Variants in CCR6 observed in about 807,000 individuals in gnomAD.
CCR6 encodes C-C chemokine receptor type 6.
In CCR6, 2 loss-of-function variants were observed where a neutral mutation model predicts 3.0. The ratio of observed to expected loss-of-function variants is 0.66; its 90% CI spans 0.27 to 2.07. CCR6 has a LOEUF of 2.07. Ranked by LOEUF, CCR6 falls within the 30% of genes most tolerant of loss-of-function variation. The probability of loss-of-function intolerance (pLI) is 0.14; values close to 1 mark genes in which losing one functional copy is unlikely to be tolerated. For synonymous variants in CCR6, 193 were observed against 184.3 expected (o/e 1.05, Z -0.38); for missense variants, 322 against 462.8 (o/e 0.70, Z 2.79).
At position 167,136,843 on chromosome 6, in the gene CCR6, T is replaced by A. The variant is rs754870719; in HGVS notation, c.613T>A (p.Ser205Thr). The A allele has an allele frequency of 6.2e-7, 1 of 1,614,170 alleles. No homozygotes were observed. The highest frequency in any genetic ancestry group is 8.5e-7 in the Non-Finnish European group (1 of 1,180,028). The change falls in exon 3 of 3, where the codon TCG (serine) becomes ACG (threonine). Residue 205 changes from serine to threonine, a missense_variant. Coordinates refer to ENST00000341935, the MANE Select transcript of CCR6 (RefSeq NM_031409.4). The surrounding 1 kb of genome is among the most constrained non-coding windows in gnomAD (Gnocchi z 4.6). ...DVCEPKYQTV[S>T]EPIRWKLLML... ...CTGTGAACCCAAGTACCAGACTGTC[T>A]CGGAGCCCATCAGGTGGAAGCTGCT...
chr6:167,112,668 G>C (rs1179555609), intron 1 of CCR6, among the ~76,000 whole-genome samples: 1 of 152,158 alleles, frequency 6.6e-6, no homozygotes, highest in African/African-American at 2.4e-5. Flanking sequence ...CTTTGTGCAG[G>C]GAGGTTGGGA....
chr6:167,113,179 A>G (rs748222221), intron 1 of CCR6, among the ~76,000 whole-genome samples: 17 of 152,120 alleles, frequency 1.1e-4, no homozygotes, highest in Non-Finnish European at 2.4e-4. Context: ...CTCTGCACCA[A>G]AATAGATACC....
At chr6:167,119,250 G>A (rs1489603392), upstream of CCR6, 1 of 152,582 alleles carries the variant, frequency 6.6e-6, no homozygotes, top group Non-Finnish European at 1.5e-5. Flanking sequence ...TGAAGTCCAG[G>A]ATGCTGGAGG....
intron 1 of CCR6, among the ~76,000 whole-genome samples, chr6:167,123,864 C>A (rs1781624118): frequency 6.6e-6 from 1 of 152,222 alleles, no homozygotes; most frequent in Non-Finnish European, 1.5e-5. Flanking sequence ...GTAATCTCAG[C>A]ACTTTGGGAG....
rs561553376 is a variant in CCR6 at position 167,130,955 on chromosome 6, G to A, written c.-97-5083G>A. Among the ~76,000 whole-genome samples, 14 of 141,642 alleles carry A rather than the reference G, an allele frequency of 9.9e-5. No homozygotes were observed. The East Asian group carries it at 2.7e-3, about 28-fold the overall frequency. 92.9% of individuals were successfully genotyped at this position (141,642 alleles called of 152,430 possible). On this transcript the variant is annotated intron_variant, in intron 1 of 2. Coordinates refer to ENST00000341935, the MANE Select transcript of CCR6 (RefSeq NM_031409.4). ...CCACCCTCTGGGCCCCCCTCCCTCC[G>A]GGACTCCTCCCTCTGGGACCACCCT...
intron 1 of CCR6, among the ~76,000 whole-genome samples, chr6:167,132,981 G>T (rs1218020189): frequency 1.3e-5 from 2 of 152,152 alleles, no homozygotes; most frequent in African/African-American, 2.4e-5. Flanking sequence ...TTATGTTTTT[G>T]ATAGGGAGTT....
Position 167,136,547 on chromosome 6 carries a change from A to T in CCR6, c.317A>T (p.His106Leu). 1 of 1,597,252 alleles carries T rather than the reference A, an allele frequency of 6.3e-7. No individual in the cohort carries two copies. The highest frequency in any genetic ancestry group is 8.5e-7 in the Non-Finnish European group (1 of 1,170,538). Residue 106 changes from histidine to leucine, a missense_variant, in exon 3 of 3, where the codon CAT becomes CTT. His to Leu is a moderately conservative substitution (Grantham distance 99). Coordinates refer to ENST00000341935, the MANE Select transcript of CCR6 (RefSeq NM_031409.4). The surrounding 1 kb of genome is among the most constrained non-coding windows in gnomAD (Gnocchi z 4.6). ...VLTLPFWAVSHATGAWVFSNA... is the reference protein window; with the variant it reads ...VLTLPFWAVSLATGAWVFSNA... ...ACTCTCCCATTCTGGGCAGTGAGTCATGCCACCGGTGCGTGGGTTTTCAGC... is the reference window on the plus strand; with the variant it reads ...ACTCTCCCATTCTGGGCAGTGAGTCTTGCCACCGGTGCGTGGGTTTTCAGC...
chr6:167,114,144 G>A (rs1781455515), intron 1 of CCR6, among the ~76,000 whole-genome samples: 1 of 152,182 alleles, frequency 6.6e-6, no homozygotes, highest in Non-Finnish European at 1.5e-5. Context: ...ACCTAGAGCT[G>A]GGTGTAGGAG....
rs1251549494 is a variant in CCR6, at chr6:167,138,973, A to G, written c.*1618A>G. ...AAGGAAAGAACTGTCATGTAAACATACCAACATGTTTAAACCTGACAATGG... is the reference window on the plus strand; with the variant it reads ...AAGGAAAGAACTGTCATGTAAACATGCCAACATGTTTAAACCTGACAATGG... On this transcript the variant is annotated 3_prime_UTR_variant, in exon 3 of 3. Coordinates refer to ENST00000341935, the MANE Select transcript of CCR6 (RefSeq NM_031409.4). 5 of 151,694 alleles carry G rather than the reference A, an allele frequency of 3.3e-5. No homozygotes were observed. Among genetic ancestry groups the G allele is most frequent in the Non-Finnish European group, 7.4e-5 (5 of 67,940 alleles). The allele number at this position is 151,694 out of a possible 1,614,324, so 9.4% of individuals were successfully genotyped here. A position where few individuals can be genotyped will look rare whatever the true frequency, so the allele number is the denominator to read the frequency against.
In CCR6 at chr6:167,139,078, A is replaced by C. The variant is rs761137457; in HGVS notation, c.*1723A>C. On this transcript the variant is annotated 3_prime_UTR_variant, in exon 3 of 3. Coordinates refer to ENST00000341935, the MANE Select transcript of CCR6 (RefSeq NM_031409.4). ...AATGCAAAATAATGTCTTAAGATTC[A>C]AAGTCTGTATTTTTAAAGCATGGCT... 9.8e-5 allele frequency: 15 copies of C among 152,486 alleles called. No individual in the cohort carries two copies. The highest frequency in any genetic ancestry group is 2.1e-4 in the Non-Finnish European group (14 of 68,030). The allele number at this position is 152,486 out of a possible 1,614,324, so 9.4% of individuals were successfully genotyped here.
chr6:167,125,556 A>G (rs1280781713), intron 1 of CCR6, among the ~76,000 whole-genome samples: 1 of 152,200 alleles, frequency 6.6e-6, no homozygotes, highest in East Asian at 1.9e-4. Context: ...AGGACTCCCA[A>G]TGCCCTCAAG....
chr6:167,118,174 A>T (rs1781531050), upstream of CCR6, among the ~76,000 whole-genome samples: 1 of 152,102 alleles, frequency 6.6e-6, no homozygotes, highest in Admixed American at 6.5e-5. Context: ...CAATAGTGGT[A>T]ACTTCCACCC....
chr6:167,123,663 A>T (rs758888446), intron 1 of CCR6, among the ~76,000 whole-genome samples: 1 of 152,260 alleles, frequency 6.6e-6, no homozygotes, highest in South Asian at 2.1e-4. Flanking sequence ...ACAGCCTAAG[A>T]TTGAGCAGGA....
chr6:167,122,689 C>G (rs912691091), upstream of CCR6: 1 of 152,456 alleles, frequency 6.6e-6, no homozygotes, highest in Non-Finnish European at 1.5e-5. The surrounding 1 kb of genome is among the most constrained non-coding windows in gnomAD (Gnocchi z 4.2). Context: ...TGTGGCTGCA[C>G]AGCTTTCGGG....
At chr6:167,127,645 T>G (rs1226424514) in intron 1 of CCR6, among the ~76,000 whole-genome samples, 1 of 152,182 alleles carries the variant, frequency 6.6e-6, no homozygotes, top group African/African-American at 2.4e-5. Flanking sequence ...TCTTACCTAA[T>G]GTCAAACTTT....
rs542251187 is a variant in CCR6, at chr6:167,139,062, T to C, written c.*1707T>C. On this transcript the variant is annotated 3_prime_UTR_variant, in exon 3 of 3. Coordinates refer to ENST00000341935, the MANE Select transcript of CCR6 (RefSeq NM_031409.4). ...CTATATCTCTCTTTAAAATGCAAAATAATGTCTTAAGATTCAAAGTCTGTA... is the reference window on the plus strand; with the variant it reads ...CTATATCTCTCTTTAAAATGCAAAACAATGTCTTAAGATTCAAAGTCTGTA... 2.6e-5 allele frequency: 4 copies of C among 152,100 alleles called. No homozygotes were observed. Among genetic ancestry groups the C allele is most frequent in the Non-Finnish European group, 5.9e-5 (4 of 67,984 alleles). The allele number at this position is 152,100 out of a possible 1,614,324, so 9.4% of individuals were successfully genotyped here.
intron 1 of CCR6, among the ~76,000 whole-genome samples, chr6:167,114,663 C>T (rs1781467183): frequency 6.6e-6 from 1 of 152,218 alleles, no homozygotes; most frequent in African/African-American, 2.4e-5. Context: ...CTGTAACCAG[C>T]CTGTGGCTCT....
chr6:167,113,155 T>A (rs1300411699), intron 1 of CCR6, among the ~76,000 whole-genome samples: 4 of 152,028 alleles, frequency 2.6e-5, no homozygotes, highest in Admixed American at 2.6e-4. Flanking sequence ...AAAGAGGAAA[T>A]GAACCCAAAG....
Position 167,137,296 on chromosome 6 carries a change from A to T in CCR6, c.1066A>T (p.Ile356Phe). ...CTGTGCCGGGAGGTACTCAGAAAAC[A>T]TTTCTCGGCAGACCAGTGAGACCGC... is the stretch of plus-strand genomic sequence containing the variant. Reference protein sequence around the residue: ...FSCAGRYSENISRQTSETADN... With the variant: ...FSCAGRYSENFSRQTSETADN... The change falls in exon 3 of 3, where the codon ATT becomes TTT. Residue 356 changes from isoleucine (I) to phenylalanine (F), a missense_variant. Ile to Phe is a conservative substitution (Grantham distance 21, BLOSUM62 0). Transcript: ENST00000341935. This position sits in a 1 kb window ranked among gnomAD's most constrained non-coding sequence, Gnocchi z 4.6. 6.2e-7 allele frequency: 1 copy of T among 1,614,066 alleles called. No homozygotes were observed. The highest frequency in any genetic ancestry group is 8.5e-7 in the Non-Finnish European group (1 of 1,180,026).
Sources: gnomAD v4.1 joint callset for allele counts (sites outside exome capture counted in the v4.1 genomes callset) on GRCh38, gnomAD v4.1.1 for gene constraint, Gnocchi (gnomAD v3.1) non-coding constraint, MANE v1.5 for transcripts, NCBI Gene and HGNC (gene_info 2026-07-23, HGNC 2026-07-21) for gene names.